Variants in ARX observed in about 807,000 individuals in gnomAD.
ARX encodes the protein aristaless related homeobox.
A neutral mutation model predicts 23.1 loss-of-function variants in ARX; 1 was observed. That is an observed-to-expected ratio of 0.04 (90% CI 0.02 to 0.21). The LOEUF is 0.21. Among genes scored for constraint, ARX ranks in the 10% least tolerant of loss-of-function variants. The pLI, the probability that ARX is intolerant of heterozygous loss-of-function variation, is 1.00. For missense variants in ARX, 380 were observed against 527.5 expected (o/e 0.72, Z 2.74); for synonymous variants, 301 against 270.1 (o/e 1.11, Z -1.12).
chrX:25,015,604 C>T lies in ARX; in HGVS notation c.134G>A (p.Gly45Glu). Residue 45 changes from glycine to glutamate, a missense_variant, in exon 1 of 5, where the codon GGA becomes GAA. Around this residue, in one of 3 missense-constraint regions of ARX, gnomAD observed 235 missense variants for 270.2 expected, o/e 0.87. Coordinates refer to ENST00000379044, the MANE Select transcript of ARX (RefSeq NM_139058.3). ...RRSPCKMRLL[G>E]AAQSLPAPLT... ...CGGAGCAGGCAAGCTCTGCGCGGCT[C>T]CCAGCAACCGCATTTTGCACGGGCT... The T allele has an allele frequency of 8.3e-7, 1 of 1,209,158 alleles. No homozygotes were observed. Among genetic ancestry groups the T allele is most frequent in the Non-Finnish European group, 1.1e-6 (1 of 894,625 alleles).
chrX:25,005,049 G>C (rs1261287541), intron 4 of ARX, 139 bp from the exon 5 acceptor site: 1 of 877,977 alleles, frequency 1.1e-6, no homozygotes, highest in East Asian at 4.2e-5. Context: ...GCGGGGAAGT[G>C]GGCAGAGGGC....
Position 25,004,918 on chromosome X carries a change from G to A in ARX, c.1449-8C>T. On this transcript the variant is annotated splice_polypyrimidine_tract_variant and splice_region_variant and intron_variant, in intron 4 of 4. Coordinates refer to ENST00000379044, the MANE Select transcript of ARX (RefSeq NM_139058.3). ...GCCATTGTGGAAAAGAGCCTGCAGG[G>A]AGAGCAAACAGCGCGGTCATGGCCT... 1 of 1,120,178 alleles carries A rather than the reference G, an allele frequency of 8.9e-7. No homozygotes were observed. The highest frequency in any genetic ancestry group is 1.2e-6 in the Non-Finnish European group (1 of 853,706). 92.3% of individuals were successfully genotyped at this position (1,120,178 alleles called of 1,213,427 possible).
intron 2 of ARX, among the ~76,000 whole-genome samples, chrX:25,012,412 G>A (rs1438788570): frequency 8.9e-6 from 1 of 112,867 alleles, no homozygotes; most frequent in African/African-American, 3.2e-5. Flanking sequence ...TGCGAACTGC[G>A]TAACTGATAC....
chrX:25,007,577 C>A, intron 3 of ARX, 138 bp from the exon 4 acceptor site: 1 of 836,478 alleles, frequency 1.2e-6, no homozygotes, highest in Non-Finnish European at 1.6e-6. Flanking sequence ...CCCTCTTTGG[C>A]CTCAGGTTGT....
chrX:25,012,164 G>A lies in ARX; in HGVS notation c.1073+758C>T, dbSNP rs12690013. Among the ~76,000 whole-genome samples, 686 of 112,718 alleles carry A rather than the reference G, an allele frequency of 6.1e-3. 14 individuals carry two copies. Among genetic ancestry groups the A allele is most frequent in the Admixed American group, 0.05 (539 of 10,760 alleles). ...AACTGCTTTGTCTACTCCCTGCCAG[G>A]CTTCCAGCAATCATTGTCCACCCGG... On this transcript the variant is annotated intron_variant, in intron 2 of 4. Transcript: ENST00000379044.
intron 4 of ARX, among the ~76,000 whole-genome samples, chrX:25,005,547 T>G (rs1276287681): frequency 1.8e-5 from 2 of 112,198 alleles, no homozygotes; most frequent in African/African-American, 6.5e-5. Flanking sequence ...GGCCAGCGCC[T>G]GCGGGTGAGA....
rs1323892109 is a variant in ARX, at chrX:25,015,792, A to G, written c.-55T>C. 4.5e-6 allele frequency: 5 copies of G among 1,111,010 alleles called. No individual in the cohort carries two copies. The highest frequency in any genetic ancestry group is 4.9e-6 in the Non-Finnish European group (4 of 819,765). The allele number at this position is 1,111,010 out of a possible 1,213,427, so 91.6% of individuals were successfully genotyped here. On this transcript the variant is annotated 5_prime_UTR_variant, in exon 1 of 5. Coordinates refer to ENST00000379044, the MANE Select transcript of ARX (RefSeq NM_139058.3). ...GCGGATCGCCGGCTGCCTCTCCCGGAGGGTGGGATGGATGGGTGTGTGTTG... is the reference window on the plus strand; with the variant it reads ...GCGGATCGCCGGCTGCCTCTCCCGGGGGGTGGGATGGATGGGTGTGTGTTG...
At chrX:25,006,871 C>T (rs1601946409) in intron 4 of ARX, among the ~76,000 whole-genome samples, 1 of 111,237 alleles carries the variant, frequency 9.0e-6, no homozygotes, top group East Asian at 2.8e-4. Context: ...TCGGTTGTCA[C>T]GGTTGTCGTT....
chrX:25,015,494 A>G (rs1202808659), intron 1 of ARX, 48 bp downstream of exon 1: 2 of 1,186,742 alleles, frequency 1.7e-6, no homozygotes, highest in African/African-American at 3.5e-5. Flanking sequence ...CAAACATCCA[A>G]ATCAGGGCCC....
chrX:25,006,738 A>T (rs2048679954), intron 4 of ARX: 1 of 132,442 alleles, frequency 7.6e-6, no homozygotes, highest in Non-Finnish European at 1.5e-5. Context: ...CATAAGGAAG[A>T]ACTTTTGCAA....
chrX:25,009,089 G>T (rs1479966797), intron 3 of ARX, among the ~76,000 whole-genome samples: 1 of 111,739 alleles, frequency 8.9e-6, no homozygotes, highest in African/African-American at 3.3e-5. Context: ...GGAACTGGGG[G>T]CAGTGGACTC....
chrX:25,010,214 GC>G (rs1486507014), intron 3 of ARX, 45 bp downstream of exon 3: 1 of 1,172,417 alleles, frequency 8.5e-7, no homozygotes, highest in African/African-American at 1.9e-5. Context: ...TCTCCCACTG[GC>G]CCCCAGCCCT....
At position 25,015,723 on chromosome X, in the gene ARX, G is replaced by A. The variant is rs773466372; in HGVS notation, c.15C>T (p.Tyr5=). 8.3e-7 allele frequency: 1 copy of A among 1,198,926 alleles called. No individual in the cohort carries two copies. Among genetic ancestry groups the A allele is most frequent in the Non-Finnish European group, 1.1e-6 (1 of 887,702 alleles). The part of the protein sequence containing the change: MSNQ[Y]QEEGCSERPE... Reference sequence around the variant, plus strand: ...GCCTCTCGGAGCAGCCCTCCTCCTGGTACTGATTGCTCATGGCTGGGGCTT... The same window carrying A: ...GCCTCTCGGAGCAGCCCTCCTCCTGATACTGATTGCTCATGGCTGGGGCTT... The change falls in exon 1 of 5, where the codon TAC becomes TAT. Residue 5 remains tyrosine (Y), a synonymous_variant. Transcript: ENST00000379044.
rs1470274249 is a variant in ARX, at chrX:25,004,654, G to A, written c.*16C>T. On this transcript the variant is annotated 3_prime_UTR_variant, in exon 5 of 5. Coordinates refer to ENST00000379044, the MANE Select transcript of ARX (RefSeq NM_139058.3). ...CTTTCGGGGCGCGCGCGGGGCGCGG[G>A]TGTGGAGGGCAGCCTTTAGCACACC... 3 of 1,163,959 alleles carry A rather than the reference G, an allele frequency of 2.6e-6. No homozygotes were observed. In the Admixed American group the frequency reaches 7.7e-5, roughly 30 times the overall value.
At chrX:25,014,493 C>A (rs1319279905) in intron 1 of ARX, among the ~76,000 whole-genome samples, 1 of 112,808 alleles carries the variant, frequency 8.9e-6, no homozygotes, top group Non-Finnish European at 1.9e-5. Context: ...CAAGTGCAGG[C>A]CGCGCCCCAA....
chrX:25,006,976 T>C, intron 4 of ARX, 135 bp downstream of exon 4: 2 of 792,449 alleles, frequency 2.5e-6, no homozygotes, highest in Non-Finnish European at 3.4e-6. Flanking sequence ...AGTATTTTCT[T>C]TGGCTACAGT....
At position 25,015,937 on chromosome X, in the gene ARX, C is replaced by A. The variant is rs2048725896; in HGVS notation, c.-200G>T. ...CCGCGGCCCGAGCTCGCCCTCTCCG[C>A]GCTCAGGACAAGCGGTAACAAGTGT... On this transcript the variant is annotated 5_prime_UTR_variant, in exon 1 of 5. Coordinates refer to ENST00000379044, the MANE Select transcript of ARX (RefSeq NM_139058.3). The A allele has an allele frequency of 1.5e-5, 7 of 465,816 alleles. No individual in the cohort carries two copies. The highest frequency in any genetic ancestry group is 2.6e-5 in the Non-Finnish European group (7 of 265,516). The allele number at this position is 465,816 out of a possible 1,213,427, so 38.4% of individuals were successfully genotyped here. A position where few individuals can be genotyped will look rare whatever the true frequency, so the allele number is the denominator to read the frequency against.
rs1458735856 is a variant in ARX, at chrX:25,015,668, G to A, written c.70C>T (p.Leu24Phe). The A allele has an allele frequency of 7.4e-6, 9 of 1,208,322 alleles. No individual in the cohort carries two copies. The South Asian group carries it at 1.6e-4, about 22-fold the overall frequency. The stretch of plus-strand genomic sequence containing the variant: ...ATGCTGTCGATGCAGTAGGAGGAGA[G>A]CAAAGTTGGAGATTTACTTTTGCAC... ...PECKSKSPTL[L>F]SSYCIDSILG... Residue 24 changes from leucine (L) to phenylalanine (F), a missense_variant, in exon 1 of 5, where the codon CTC becomes TTC. By Grantham distance (22) the Leu-to-Phe change is conservative. Coordinates refer to ENST00000379044, the MANE Select transcript of ARX (RefSeq NM_139058.3).
At chrX:25,004,931 G>A (rs1387281585) in intron 4 of ARX, 21 bp from the exon 5 acceptor site, 2 of 1,110,417 alleles carry the variant, frequency 1.8e-6, no homozygotes, top group Non-Finnish European at 2.4e-6. Context: ...AGCAAACAGC[G>A]CGGTCATGGC....
Sources: gnomAD v4.1 joint callset for allele counts (sites outside exome capture counted in the v4.1 genomes callset) on GRCh38, gnomAD v4.1.1 for gene constraint, gnomAD v4.1.1 regional missense constraint, MANE v1.5 for transcripts, NCBI Gene and HGNC (gene_info 2026-07-23, HGNC 2026-07-21) for gene names.